The following ERC1 variants were observed in gnomAD, a reference collection of about 807,000 sequenced individuals.
ERC1 encodes the protein RAB6 interacting protein 2.
A neutral mutation model predicts 132.0 loss-of-function variants in ERC1; 56 were observed. That is an observed-to-expected ratio of 0.42 (90% CI 0.34 to 0.53). The LOEUF (loss-of-function observed/expected upper bound fraction) is 0.53, where lower values mean the gene tolerates loss of function less well. ERC1 is among the 20% of genes least tolerant of loss of function. ERC1 has a pLI of 0.03. For missense variants in ERC1, 1,202 were observed against 1,349.9 expected (o/e 0.89, Z 1.72); for synonymous variants, 478 against 476.1 (o/e 1.00, Z -0.05).
At chr12:1,440,827 G>T (rs1253642667) in intron 17 of ERC1, among the ~76,000 whole-genome samples, 2 of 151,532 alleles carry the variant, frequency 1.3e-5, no homozygotes, top group Non-Finnish European at 1.5e-5. Context: ...CATATTTTTA[G>T]TAGAGACAAG....
intron 15 of ERC1, among the ~76,000 whole-genome samples, chr12:1,318,824 G>A (rs1399476282): frequency 6.6e-6 from 1 of 151,508 alleles, no homozygotes; most frequent in African/African-American, 2.4e-5. Context: ...GAGCGTGTGG[G>A]TCTCTCGGTG....
At chr12:1,067,820 T>G (rs1008407905) in intron 2 of ERC1, among the ~76,000 whole-genome samples, 3 of 152,192 alleles carry the variant, frequency 2.0e-5, no homozygotes, top group African/African-American at 7.2e-5. Flanking sequence ...CTATTTATCA[T>G]GATCATGTAT....
At chr12:1,264,635 G>T (rs1226308629) in intron 14 of ERC1, among the ~76,000 whole-genome samples, 1 of 152,032 alleles carries the variant, frequency 6.6e-6, no homozygotes, top group Non-Finnish European at 1.5e-5. Flanking sequence ...CTGCACTCCA[G>T]CCTGGGCGAC....
intron 8 of ERC1, among the ~76,000 whole-genome samples, chr12:1,161,997 A>C (rs1486865464): frequency 6.6e-6 from 1 of 152,202 alleles, no homozygotes; most frequent in East Asian, 1.9e-4. Flanking sequence ...GCACAATGGC[A>C]GTTATGGTAA....
At chr12:1,155,985 A>G (rs973927204) in intron 8 of ERC1, among the ~76,000 whole-genome samples, 3 of 152,068 alleles carry the variant, frequency 2.0e-5, no homozygotes, top group Non-Finnish European at 4.4e-5. Flanking sequence ...TGTTGTTAAC[A>G]GTTCTTTGTG....
At chr12:1,228,203 G>T (rs2074742315) in intron 12 of ERC1, among the ~76,000 whole-genome samples, 1 of 152,140 alleles carries the variant, frequency 6.6e-6, no homozygotes, top group Non-Finnish European at 1.5e-5. Context: ...GATAGAGGCT[G>T]CATTGAATCC....
intron 15 of ERC1, among the ~76,000 whole-genome samples, chr12:1,302,471 C>A (rs2080477162): frequency 6.6e-6 from 1 of 151,988 alleles, no homozygotes; most frequent in South Asian, 2.1e-4. Flanking sequence ...TATTGGAGAT[C>A]CTAGTAATGC....
chr12:1,183,863 C>T (rs1387185161), intron 11 of ERC1, among the ~76,000 whole-genome samples: 7 of 151,510 alleles, frequency 4.6e-5, no homozygotes, highest in East Asian at 3.9e-4. Context: ...AAAGAAAAAA[C>T]GGTGGCTCAT....
chr12:1,122,583 A>G (rs1430066222), intron 7 of ERC1, among the ~76,000 whole-genome samples: 2 of 7,160 alleles, frequency 2.8e-4, no homozygotes, highest in Non-Finnish European at 1.1e-3. Context: ...CTCTATCTCT[A>G]TCTCTATCTC....
At chr12:1,007,460 T>TTC (rs72040785) in intron 1 of ERC1, among the ~76,000 whole-genome samples, 3,252 of 135,000 alleles carry the variant, frequency 0.024, 95 homozygotes, top group African/African-American at 0.078. Context: ...GGGTAATTCA[T>TTC]TCTCTCTCTC....
chr12:1,027,263 G>C (rs781738874), intron 1 of ERC1, among the ~76,000 whole-genome samples: 1 of 152,108 alleles, frequency 6.6e-6, no homozygotes, highest in Non-Finnish European at 1.5e-5. Context: ...AGTTTGTTGA[G>C]TTCTGTTATT....
chr12:1,211,155 A>G (rs1957830027), intron 12 of ERC1, among the ~76,000 whole-genome samples: 1 of 152,072 alleles, frequency 6.6e-6, no homozygotes, highest in Non-Finnish European at 1.5e-5. Flanking sequence ...TGATATATAT[A>G]TATATATTTT....
Position 1,110,267 on chromosome 12 carries a change from G to A in ERC1, c.1237G>A (p.Ala413Thr). ...AATTCAGATGCTGAAATCGAATGGTGCTTTGAGTACTGAGGAAAGGGAAGA... is the reference window on the plus strand; with the variant it reads ...AATTCAGATGCTGAAATCGAATGGTACTTTGAGTACTGAGGAAAGGGAAGA... ...EEIQMLKSNGALSTEEREEEM... is the reference protein window; with the variant it reads ...EEIQMLKSNGTLSTEEREEEM... The change falls in exon 5 of 19, where the codon GCT becomes ACT. Residue 413 changes from alanine (A) to threonine (T), a missense_variant. Coordinates refer to ENST00000360905, the MANE Select transcript of ERC1 (RefSeq NM_178040.4). The A allele has an allele frequency of 6.2e-7, 1 of 1,613,622 alleles. No homozygotes were observed. The highest frequency in any genetic ancestry group is 2.2e-5 in the East Asian group (1 of 44,838).
At chr12:1,212,037 C>T (rs1235015130) in intron 12 of ERC1, among the ~76,000 whole-genome samples, 1 of 152,118 alleles carries the variant, frequency 6.6e-6, no homozygotes, top group East Asian at 1.9e-4. Flanking sequence ...ACTGCAAAAG[C>T]TATCTAATGC....
intron 14 of ERC1, among the ~76,000 whole-genome samples, chr12:1,275,168 C>T (rs917997480): frequency 7.9e-5 from 12 of 152,044 alleles, no homozygotes; most frequent in Non-Finnish European, 1.3e-4. Flanking sequence ...AGCAGAAGAG[C>T]GGTAAGACTT....
In ERC1 at chr12:1,495,206, G is replaced by A. The variant is rs2154435799; in HGVS notation, c.*4976G>A. 1 of 230,928 alleles carries A rather than the reference G, an allele frequency of 4.3e-6. No homozygotes were observed. The highest frequency in any genetic ancestry group is 5.6e-5 in the Admixed American group (1 of 17,716). The allele number at this position is 230,928 out of a possible 1,614,324, so 14.3% of individuals were successfully genotyped here. The stretch of plus-strand genomic sequence containing the variant: ...CCACAGGACCTCTCCTGCCCACTTG[G>A]TGCTATCTCTTCCAGTGACCACCCA... On this transcript the variant is annotated 3_prime_UTR_variant, in exon 19 of 19. Transcript: ENST00000360905.
At chr12:1,377,687 GT>G (rs1201678990) in intron 16 of ERC1, among the ~76,000 whole-genome samples, 1 of 152,158 alleles carries the variant, frequency 6.6e-6, no homozygotes, top group Non-Finnish European at 1.5e-5. Context: ...TTAAATGGCT[GT>G]ATATCATCTA....
intron 2 of ERC1, among the ~76,000 whole-genome samples, chr12:1,036,431 A>G (rs1015132532): frequency 4.0e-5 from 6 of 150,982 alleles, no homozygotes; most frequent in Non-Finnish European, 8.8e-5. Flanking sequence ...CTGGAGTGCA[A>G]TGGTGCGATC....
At chr12:1,129,715 TA>T (rs1188496867) in intron 7 of ERC1, among the ~76,000 whole-genome samples, 1 of 152,092 alleles carries the variant, frequency 6.6e-6, no homozygotes, top group African/African-American at 2.4e-5. Flanking sequence ...CATTCTTCAG[TA>T]AAGATAGAAG....
Sources: gnomAD v4.1 joint callset for allele counts (sites outside exome capture counted in the v4.1 genomes callset) on GRCh38, gnomAD v4.1.1 for gene constraint, MANE v1.5 for transcripts, NCBI Gene and HGNC (gene_info 2026-07-23, HGNC 2026-07-21) for gene names.